The following PRKCQ variants were observed in gnomAD, a reference collection of about 807,000 sequenced individuals.
The protein encoded by PRKCQ is protein kinase C theta.
PRKCQ carries 41 observed loss-of-function variants against 91.2 expected under a neutral mutation model. The observed-to-expected ratio is 0.45, with a 90% confidence interval of 0.35 to 0.58. The LOEUF (loss-of-function observed/expected upper bound fraction) is 0.58. Among genes scored for constraint, PRKCQ ranks in the 20% least tolerant of loss-of-function variants. PRKCQ has a pLI of 0.00. For synonymous variants in PRKCQ, 307 were observed against 316.9 expected, an observed-to-expected ratio of 0.97 and a Z score of 0.33; for missense variants, 673 against 896.5, an observed-to-expected ratio of 0.75 and a Z score of 3.18.
At chr10:6,522,327 G>A (rs1034004882) in intron 1 of PRKCQ, among the ~76,000 whole-genome samples, 1 of 152,160 alleles carries the variant, frequency 6.6e-6, no homozygotes, top group Admixed American at 6.5e-5. Flanking sequence ...TGTCTTTTGT[G>A]TGTAGCTTCG....
At chr10:6,533,905 A>G (rs1232788221) in intron 1 of PRKCQ, among the ~76,000 whole-genome samples, 1 of 152,212 alleles carries the variant, frequency 6.6e-6, no homozygotes, top group African/African-American at 2.4e-5. Context: ...CTAAACCACT[A>G]AAAGTACTAG....
chr10:6,500,668 CTATT>C (rs1470251664), intron 4 of PRKCQ, among the ~76,000 whole-genome samples: 3 of 151,802 alleles, frequency 2.0e-5, no homozygotes, highest in Non-Finnish European at 4.4e-5. Flanking sequence ...ATTTATTTCT[CTATT>C]TACTGGTTTG....
intron 14 of PRKCQ, among the ~76,000 whole-genome samples, chr10:6,457,027 A>G (rs1835045524): frequency 6.6e-6 from 1 of 152,152 alleles, no homozygotes; most frequent in Admixed American, 6.6e-5. Flanking sequence ...CTGATTTACC[A>G]AGGGGTGCAG....
At chr10:6,526,066 T>C (rs1364592662) in intron 1 of PRKCQ, among the ~76,000 whole-genome samples, 2 of 152,254 alleles carry the variant, frequency 1.3e-5, no homozygotes, top group Admixed American at 6.5e-5. Flanking sequence ...TTAATATGTA[T>C]AAAACAGAAC....
At chr10:6,477,693 C>A (rs1017106219) in intron 12 of PRKCQ, among the ~76,000 whole-genome samples, 2 of 152,126 alleles carry the variant, frequency 1.3e-5, no homozygotes, top group Admixed American at 6.5e-5. Flanking sequence ...CATGGTGAAA[C>A]CCTGTCTCTA....
intron 16 of PRKCQ, among the ~76,000 whole-genome samples, chr10:6,431,518 ACAGG>A (rs1415914841): frequency 1.3e-5 from 2 of 152,222 alleles, no homozygotes; most frequent in Admixed American, 6.5e-5. Flanking sequence ...ACGCACACGG[ACAGG>A]CATACACACG....
chr10:6,526,603 G>A (rs1008101959), intron 1 of PRKCQ, among the ~76,000 whole-genome samples: 21 of 152,074 alleles, frequency 1.4e-4, no homozygotes, highest in Non-Finnish European at 2.6e-4. Flanking sequence ...GAACGTTCCC[G>A]GCCGAAACAT....
At chr10:6,578,875 T>C (rs1166269906) in intron 1 of PRKCQ, among the ~76,000 whole-genome samples, 1 of 151,912 alleles carries the variant, frequency 6.6e-6, no homozygotes. Context: ...AATATGAAGA[T>C]GATGATTCAC....
downstream of PRKCQ, among the ~76,000 whole-genome samples, chr10:6,422,786 T>G (rs978625626): frequency 6.6e-6 from 1 of 152,142 alleles, no homozygotes; most frequent in African/African-American, 2.4e-5. Context: ...AGAAACGACA[T>G]GGAAGGCAGA....
intron 1 of PRKCQ, among the ~76,000 whole-genome samples, chr10:6,557,590 A>G (rs1564392534): frequency 6.6e-6 from 1 of 152,020 alleles, no homozygotes; most frequent in African/African-American, 2.4e-5. Context: ...ATTTCTGGTC[A>G]ATCTCATCTA....
At chr10:6,419,658 T>C in the PRKCQ span, among the ~76,000 whole-genome samples, 1 of 151,664 alleles carries the variant, frequency 6.6e-6, no homozygotes, top group African/African-American at 2.4e-5. Flanking sequence ...TCACCCACTC[T>C]CAAATCTCTG....
chr10:6,547,572 A>G (rs1168704471), intron 1 of PRKCQ, among the ~76,000 whole-genome samples: 3 of 150,588 alleles, frequency 2.0e-5, no homozygotes, highest in Admixed American at 6.6e-5. Flanking sequence ...CTCAGAAATA[A>G]GGCCACATAT....
intron 1 of PRKCQ, among the ~76,000 whole-genome samples, chr10:6,549,920 C>A (rs1383102539): frequency 6.6e-6 from 1 of 152,140 alleles, no homozygotes; most frequent in Non-Finnish European, 1.5e-5. Flanking sequence ...GCGTGAGCCA[C>A]CGCGCCCGGC....
rs1839129877 is a variant in PRKCQ, at chr10:6,524,553, A to G, written c.-9-9409T>C. 1.3e-5 allele frequency among the ~76,000 whole-genome samples: 2 copies of G among 152,210 alleles called. 1 individual carries two copies. Among genetic ancestry groups the G allele is most frequent in the South Asian group, 4.1e-4 (2 of 4,830 alleles). ...TCACTTTCATTTTTCTCCTTCCAGA[A>G]TCTATAGAATTAATAGCTCAGATGG... On this transcript the variant is annotated intron_variant, in intron 1 of 17. Transcript: ENST00000263125.
In PRKCQ at chr10:6,483,468, T is replaced by C; in HGVS notation, c.1151A>G (p.Lys384Arg). 2 of 1,614,214 alleles carry C rather than the reference T, an allele frequency of 1.2e-6. No homozygotes were observed. The highest frequency in any genetic ancestry group is 1.1e-5 in the South Asian group (1 of 91,080). ...GCCAAAACTTCCTTTCCCCAACATT[T>C]TGTGCAAGATAAAATCCTCAATTTT... is the stretch of plus-strand genomic sequence containing the variant. ...KLKIEDFILH[K>R]MLGKGSFGKV... Residue 384 changes from lysine (K) to arginine (R), a missense_variant, in exon 11 of 18, where the codon AAA becomes AGA. Lys to Arg is a conservative substitution (Grantham distance 26). Coordinates refer to ENST00000263125, the MANE Select transcript of PRKCQ (RefSeq NM_006257.5).
Position 6,485,231 on chromosome 10 carries a change from T to A in PRKCQ, c.939A>T (p.Glu313Asp). 3 of 1,614,138 alleles carry A rather than the reference T, an allele frequency of 1.9e-6. No individual in the cohort carries two copies. Among genetic ancestry groups the A allele is most frequent in the Non-Finnish European group, 2.5e-6 (3 of 1,179,996 alleles). ...CLRDTEQIFR[E>D]GPVEIGLPCS... is the part of the protein sequence containing the mutation. ...ATGGGAGACCAATTTCAACCGGACC[T>A]TCTCTGAAGATCTGTTCAGTATCTC... Residue 313 changes from glutamate to aspartate, a missense_variant, in exon 10 of 18, where the codon GAA (glutamate) becomes GAT (aspartate). Physicochemically the swap from Glu to Asp is conservative, Grantham distance 45. Transcript: ENST00000263125.
chr10:6,504,218 ACCCTT>A (rs1838068274), intron 4 of PRKCQ, among the ~76,000 whole-genome samples: 2 of 152,186 alleles, frequency 1.3e-5, no homozygotes, highest in African/African-American at 4.8e-5. Flanking sequence ...CTGTAGCTAC[ACCCTT>A]AGAACAGATT....
Position 6,481,172 on chromosome 10 carries a change from C to A in PRKCQ, c.1180-2007G>T, listed in dbSNP as rs139609326. Among the ~76,000 whole-genome samples, 298 of 152,294 alleles carry A rather than the reference C, an allele frequency of 2.0e-3. 4 individuals carry two copies. The highest frequency in any genetic ancestry group is 7.1e-3 in the African/African-American group (293 of 41,554). ...GCTTTGGACATGGAGTGGGGGAAAC[C>A]TGGGGCTCCCAGCTGCACCTTGGGA... is the stretch of plus-strand genomic sequence containing the variant. On this transcript the variant is annotated intron_variant, in intron 11 of 17. Transcript: ENST00000263125.
intron 1 of PRKCQ, among the ~76,000 whole-genome samples, chr10:6,534,019 C>T (rs1167618589): frequency 1.3e-5 from 2 of 152,100 alleles, no homozygotes; most frequent in East Asian, 3.9e-4. Context: ...AACTATTTTA[C>T]ATAAAACTTG....
Sources: gnomAD v4.1 joint callset for allele counts (sites outside exome capture counted in the v4.1 genomes callset) on GRCh38, gnomAD v4.1.1 for gene constraint, MANE v1.5 for transcripts, NCBI Gene and HGNC (gene_info 2026-07-23, HGNC 2026-07-21) for gene names.